The following LUC7L2 variants were observed in gnomAD, a reference collection of about 807,000 sequenced individuals.
LUC7L2 encodes LUC7 like 2, pre-mRNA splicing factor.
Under a neutral mutation model 52.8 loss-of-function variants are expected in LUC7L2, and 25 were observed. That is an observed-to-expected ratio of 0.47 (90% CI 0.34 to 0.66). LUC7L2 has a LOEUF of 0.66. Among genes scored for constraint, LUC7L2 ranks in the 30% least tolerant of loss-of-function variants. The pLI is 0.01. For synonymous variants in LUC7L2, 144 were observed against 160.9 expected, an observed-to-expected ratio of 0.89 and a Z score of 0.80; for missense variants, 328 against 497.8, an observed-to-expected ratio of 0.66 and a Z score of 3.25.
chr7:139,387,738 G>C (rs1028197793), intron 2 of LUC7L2, among the ~76,000 whole-genome samples: 2 of 152,022 alleles, frequency 1.3e-5, no homozygotes, highest in African/African-American at 2.4e-5. Context: ...TGAATAAATC[G>C]TATAAGTTGT....
chr7:139,348,149 CAAT>C (rs1215044055), intron 1 of LUC7L2, among the ~76,000 whole-genome samples: 1 of 150,620 alleles, frequency 6.6e-6, no homozygotes, highest in African/African-American at 2.4e-5. Context: ...TGAATATATA[CAAT>C]AATATGTACA....
chr7:139,413,492 C>G (rs1795457557), intron 8 of LUC7L2, among the ~76,000 whole-genome samples: 1 of 152,130 alleles, frequency 6.6e-6, no homozygotes, highest in South Asian at 2.1e-4. Context: ...AAAGAAAAAC[C>G]TGGCTGAGCG....
rs1446242880 is a variant in LUC7L2, at chr7:139,402,122, A to C, written c.256-15A>C. The C allele has an allele frequency of 6.4e-7, 1 of 1,569,104 alleles. No individual in the cohort carries two copies. The highest frequency in any genetic ancestry group is 8.6e-7 in the Non-Finnish European group (1 of 1,165,334). ...TGACTTTCTGACAGTAATTGTCTTT[A>C]ATTAAACTTTGTAGGCCATGGATCA... On this transcript the variant is annotated splice_polypyrimidine_tract_variant and intron_variant, in intron 3 of 9. Transcript: ENST00000354926.
chr7:139,388,681 G>A (rs1794307825), intron 2 of LUC7L2, among the ~76,000 whole-genome samples: 1 of 150,142 alleles, frequency 6.7e-6, no homozygotes. Context: ...TAGATTTCCT[G>A]TTATTACATC....
At chr7:139,369,326 C>G (rs1250575100) in intron 1 of LUC7L2, among the ~76,000 whole-genome samples, 1 of 152,116 alleles carries the variant, frequency 6.6e-6, no homozygotes, top group Non-Finnish European at 1.5e-5. Flanking sequence ...TCTATATAAC[C>G]TATTTTAGGA....
intron 8 of LUC7L2, chr7:139,416,449 A>G (rs1396608054): frequency 6.6e-6 from 1 of 152,140 alleles, no homozygotes; most frequent in Non-Finnish European, 1.5e-5. Context: ...CATTAGAAAT[A>G]CATTTTTTTT....
At chr7:139,345,583 G>A (rs1249831589) in intron 1 of LUC7L2, 10 of 1,613,952 alleles carry the variant, frequency 6.2e-6, no homozygotes, top group South Asian at 3.3e-5. Context: ...CGTAGCATCC[G>A]GAAACATGTG....
intron 1 of LUC7L2, among the ~76,000 whole-genome samples, chr7:139,353,902 C>T (rs1233601801): frequency 6.6e-6 from 1 of 151,958 alleles, no homozygotes; most frequent in East Asian, 1.9e-4. Flanking sequence ...ATTGCCTGAG[C>T]TTGGGAGTTC....
At chr7:139,408,054 C>T (rs1387843920) in intron 6 of LUC7L2, among the ~76,000 whole-genome samples, 1 of 152,082 alleles carries the variant, frequency 6.6e-6, no homozygotes, top group African/African-American at 2.4e-5. Flanking sequence ...TGAGGTCTGG[C>T]TGACAGATAG....
chr7:139,420,717 T>G (rs1431673645), intron 9 of LUC7L2, among the ~76,000 whole-genome samples: 2 of 152,228 alleles, frequency 1.3e-5, no homozygotes, highest in African/African-American at 4.8e-5. Flanking sequence ...GGTATCATTT[T>G]TACCATCTCT....
intron 2 of LUC7L2, 65 bp downstream of exon 2, chr7:139,376,221 G>A: frequency 2.0e-6 from 3 of 1,524,238 alleles, no homozygotes; most frequent in South Asian, 2.3e-5. Flanking sequence ...ACTTGATAAA[G>A]TCTTAATTCT....
intron 9 of LUC7L2, 91 bp from the exon 10 acceptor site, chr7:139,422,072 C>T (rs763745547): frequency 1.2e-4 from 181 of 1,475,248 alleles, no homozygotes; most frequent in Non-Finnish European, 1.5e-4. Flanking sequence ...TATATATCTT[C>T]AGCTATCAAG....
intron 2 of LUC7L2, among the ~76,000 whole-genome samples, chr7:139,387,535 G>A (rs1794256826): frequency 6.6e-6 from 1 of 151,910 alleles, no homozygotes; most frequent in Non-Finnish European, 1.5e-5. Context: ...TTTCCTGATG[G>A]AAACAAAAGA....
chr7:139,373,233 A>G (rs1800544115), intron 1 of LUC7L2, among the ~76,000 whole-genome samples: 1 of 152,230 alleles, frequency 6.6e-6, no homozygotes, highest in Admixed American at 6.5e-5. Context: ...GAATAAGCCC[A>G]AATAAATTTG....
At chr7:139,420,209 AT>A (rs369504812) in intron 9 of LUC7L2, among the ~76,000 whole-genome samples, 19 of 148,806 alleles carry the variant, frequency 1.3e-4, no homozygotes, top group Non-Finnish European at 2.4e-4. Flanking sequence ...TAAGTAATTT[AT>A]TTTTTTTTTT....
chr7:139,406,431 A>C (rs1283145576), intron 5 of LUC7L2, among the ~76,000 whole-genome samples: 3 of 150,460 alleles, frequency 2.0e-5, no homozygotes, highest in African/African-American at 7.3e-5. Context: ...CAGCTCACTG[A>C]AACCTCTGCT....
rs1333179805 is a variant in LUC7L2 at position 139,359,903 on chromosome 7, G to C, written c.-359G>C. ...CGCGAGGAGCGTGCGCGCTCCCGTC[G>C]TGGCGACGGTGGCGGCGAGCGGCGT... On this transcript the variant is annotated 5_prime_UTR_variant, in exon 1 of 10. Coordinates refer to ENST00000354926, the MANE Select transcript of LUC7L2 (RefSeq NM_016019.5). 3 of 414,944 alleles carry C rather than the reference G, an allele frequency of 7.2e-6. No homozygotes were observed. Among genetic ancestry groups the C allele is most frequent in the Admixed American group, 4.4e-5 (1 of 22,764 alleles). The allele number at this position is 414,944 out of a possible 1,614,324, so 25.7% of individuals were successfully genotyped here. A position where few individuals can be genotyped will look rare whatever the true frequency, so the allele number is the denominator to read the frequency against.
At chr7:139,384,333 G>A (rs188361488) in intron 2 of LUC7L2, among the ~76,000 whole-genome samples, 1 of 148,206 alleles carries the variant, frequency 6.7e-6, no homozygotes, top group Non-Finnish European at 1.5e-5. Context: ...TGGCGTGATC[G>A]TGGCTCACTG....
intron 2 of LUC7L2, among the ~76,000 whole-genome samples, chr7:139,384,722 A>G (rs1264492995): frequency 3.3e-5 from 5 of 152,084 alleles, no homozygotes; most frequent in African/African-American, 1.2e-4. Flanking sequence ...CCCTTTGGAA[A>G]TAATCCTTTT....
Sources: allele counts gnomAD v4.1 joint callset (sites outside exome capture counted in the v4.1 genomes callset), GRCh38; gene constraint gnomAD v4.1.1; transcripts MANE v1.5; gene names NCBI Gene and HGNC (gene_info 2026-07-23, HGNC 2026-07-21).